Variants in CATSPERE observed in about 807,000 individuals in gnomAD.
CATSPERE encodes cation channel sperm-associated auxiliary subunit epsilon.
In CATSPERE, 93 loss-of-function variants were observed where a neutral mutation model predicts 114.1. The ratio of observed to expected loss-of-function variants is 0.81; its 90% CI spans 0.69 to 0.97. The LOEUF is 0.97. CATSPERE is among the 50% of genes least tolerant of loss of function. The probability of loss-of-function intolerance (pLI) is 0.00; values close to 1 mark genes in which losing one functional copy is unlikely to be tolerated. For synonymous variants in CATSPERE, 341 were observed against 384.1 expected (o/e 0.89, Z 1.31); for missense variants, 1,058 against 1,131.6 (o/e 0.93, Z 0.93).
chr1:244,612,936 A>C (rs1375117679), intron 19 of CATSPERE, among the ~76,000 whole-genome samples: 1 of 152,186 alleles, frequency 6.6e-6, no homozygotes, highest in African/African-American at 2.4e-5. Flanking sequence ...TAATAATATA[A>C]CAGGGAATAT....
At chr1:244,527,268 C>T (rs966916537) in intron 8 of CATSPERE, among the ~76,000 whole-genome samples, 2 of 152,172 alleles carry the variant, frequency 1.3e-5, no homozygotes, top group Non-Finnish European at 2.9e-5. Context: ...AAAAGAGAGC[C>T]TCCCCTGAAG....
intron 8 of CATSPERE, among the ~76,000 whole-genome samples, chr1:244,528,785 C>CCACACA (rs56746061): frequency 0.041 from 5,313 of 130,402 alleles, 143 homozygotes; most frequent in African/African-American, 0.064. Context: ...CAATCCCCCA[C>CCACACA]CACACACACA....
chr1:244,526,748 C>T (rs12076535), intron 8 of CATSPERE, among the ~76,000 whole-genome samples: 18,274 of 151,016 alleles, frequency 0.12, 1,843 homozygotes, highest in African/African-American at 0.28. Context: ...TCCTAGGTAT[C>T]GGGGGAACCT....
At chr1:244,524,620 A>G (rs1387459614) in intron 8 of CATSPERE, among the ~76,000 whole-genome samples, 3 of 151,970 alleles carry the variant, frequency 2.0e-5, no homozygotes, top group African/African-American at 7.3e-5. Context: ...AGAATCTACA[A>G]TGAACTCAAA....
At chr1:244,514,807 G>A (rs568686987) in intron 7 of CATSPERE, among the ~76,000 whole-genome samples, 14 of 144,828 alleles carry the variant, frequency 9.7e-5, no homozygotes, top group Middle Eastern at 3.6e-3. Context: ...CCAGCCTGGC[G>A]GACAGAGCAA....
At chr1:244,598,474 A>G (rs1422988980) in intron 17 of CATSPERE, 1 of 166,916 alleles carries the variant, frequency 6.0e-6, no homozygotes, top group African/African-American at 2.4e-5. Flanking sequence ...TGTTCCAGGG[A>G]TGTACTACTT....
intron 2 of CATSPERE, among the ~76,000 whole-genome samples, chr1:244,475,332 C>G (rs921889480): frequency 3.3e-5 from 5 of 151,044 alleles, no homozygotes; most frequent in African/African-American, 1.2e-4. Flanking sequence ...CTCCTGGGTT[C>G]AAGGGATTCT....
At chr1:244,626,144 C>G (rs1002853704) in intron 20 of CATSPERE, among the ~76,000 whole-genome samples, 3 of 152,080 alleles carry the variant, frequency 2.0e-5, no homozygotes, top group African/African-American at 7.2e-5. Context: ...GTCAGCCTAT[C>G]CTTTGAAGCT....
intron 3 of CATSPERE, 97 bp downstream of exon 3, chr1:244,477,711 T>G: frequency 9.7e-7 from 1 of 1,035,978 alleles, no homozygotes; most frequent in South Asian, 1.5e-5. Flanking sequence ...TTAATATAAA[T>G]TTTCTTTCAT....
intron 20 of CATSPERE, among the ~76,000 whole-genome samples, chr1:244,625,406 TTATATA>T (rs35736130): frequency 1.6e-4 from 2 of 12,882 alleles, no homozygotes; most frequent in South Asian, 4.4e-3. Context: ...TTATTATTAT[TTATATA>T]TATATATATA....
At chr1:244,618,226 C>G (rs575109014) in intron 20 of CATSPERE, among the ~76,000 whole-genome samples, 1 of 152,248 alleles carries the variant, frequency 6.6e-6, no homozygotes, top group South Asian at 2.1e-4. Flanking sequence ...AGAAATCACA[C>G]TAATAACGGA....
At chr1:244,598,523 GTTC>G (rs1274872043) in intron 17 of CATSPERE, 3 of 201,670 alleles carry the variant, frequency 1.5e-5, no homozygotes, top group African/African-American at 4.7e-5. Context: ...TGATGCATTT[GTTC>G]TTCTTGGTGT....
rs368229094 is a variant in CATSPERE at position 244,518,920 on chromosome 1, A to G, written c.536+222A>G. On this transcript the variant is annotated intron_variant, in intron 8 of 21. Transcript: ENST00000366534. ...TGTGTCCATACATAATCCTCAATCC[A>G]AGAGCCTCATTCAGGTTGGTGGCAA... Among the ~76,000 whole-genome samples the G allele has an allele frequency of 2.6e-5, 4 of 152,302 alleles. No homozygotes were observed. The East Asian group carries it at 7.7e-4, about 29-fold the overall frequency.
chr1:244,555,221 C>T (rs184378446), intron 9 of CATSPERE, among the ~76,000 whole-genome samples: 1 of 152,060 alleles, frequency 6.6e-6, no homozygotes, highest in African/African-American at 2.4e-5. Flanking sequence ...CCCATCTCTA[C>T]TAAAAATACA....
intron 8 of CATSPERE, among the ~76,000 whole-genome samples, chr1:244,543,299 G>A (rs1166785215): frequency 2.0e-5 from 3 of 152,120 alleles, no homozygotes; most frequent in African/African-American, 7.2e-5. Flanking sequence ...ATACTATTCA[G>A]CCTTCTAAAA....
At chr1:244,583,842 C>G (rs1007453295) in intron 12 of CATSPERE, 22 bp from the exon 13 acceptor site, 1 of 1,605,256 alleles carries the variant, frequency 6.2e-7, no homozygotes, top group African/African-American at 1.3e-5. Context: ...ATACAATAAC[C>G]TGTACGAATT....
intron 19 of CATSPERE, among the ~76,000 whole-genome samples, chr1:244,613,608 C>T (rs1671010842): frequency 6.6e-6 from 1 of 152,134 alleles, no homozygotes; most frequent in East Asian, 1.9e-4. Flanking sequence ...TTTATCCCTC[C>T]CCTTACAATA....
In CATSPERE at chr1:244,624,885, G is replaced by A. The variant is rs535803562; in HGVS notation, c.2648+7199G>A. Reference sequence around the variant, plus strand: ...TCCATTCAAGTTTTATCATGACATTGTGGCAATTCAGTTCCATCTTCAGGC... The same window carrying A: ...TCCATTCAAGTTTTATCATGACATTATGGCAATTCAGTTCCATCTTCAGGC... On this transcript the variant is annotated intron_variant, in intron 20 of 21. Coordinates refer to ENST00000366534, the MANE Select transcript of CATSPERE (RefSeq NM_001130957.2). Among the ~76,000 whole-genome samples the A allele has an allele frequency of 3.3e-5, 5 of 151,878 alleles. No individual in the cohort carries two copies. In the South Asian group the frequency reaches 1.0e-3, roughly 32 times the overall value.
chr1:244,580,375 C>T (rs934337865), intron 11 of CATSPERE, among the ~76,000 whole-genome samples: 2 of 151,900 alleles, frequency 1.3e-5, no homozygotes, highest in African/African-American at 4.8e-5. Flanking sequence ...AATTGAGGCT[C>T]AATGAAGTAC....
Sources: allele counts gnomAD v4.1 joint callset (sites outside exome capture counted in the v4.1 genomes callset), GRCh38; gene constraint gnomAD v4.1.1; transcripts MANE v1.5; gene names NCBI Gene and HGNC (gene_info 2026-07-23, HGNC 2026-07-21).